Variants in CLEC2A observed in about 807,000 individuals in gnomAD.
CLEC2A encodes keratinocyte-associated C-type lectin.
Under a neutral mutation model 18.6 loss-of-function variants are expected in CLEC2A, and 19 were observed. The observed-to-expected ratio is 1.02, with a 90% CI of 0.71 to 1.50. The LOEUF (loss-of-function observed/expected upper bound fraction) is 1.50. Ranked by LOEUF, CLEC2A falls within the 40% of genes most tolerant of loss-of-function variation. The pLI is 0.00. For missense variants in CLEC2A, 190 were observed against 207.9 expected, an observed-to-expected ratio of 0.91 and a Z score of 0.53; for synonymous variants, 74 against 64.0, an observed-to-expected ratio of 1.16 and a Z score of -0.75.
downstream of CLEC2A, among the ~76,000 whole-genome samples, chr12:9,911,837 T>G (rs1314760045): frequency 2.0e-5 from 3 of 152,118 alleles, no homozygotes; most frequent in African/African-American, 7.2e-5. Context: ...TCTAACCTGA[T>G]AGGGTTAGAT....
At chr12:9,927,701 T>C (rs1863299150) in intron 1 of CLEC2A, among the ~76,000 whole-genome samples, 1 of 152,162 alleles carries the variant, frequency 6.6e-6, no homozygotes, top group Non-Finnish European at 1.5e-5. Context: ...TGCAATAAAG[T>C]AATTTCAAGA....
chr12:9,890,641 C>T, the CLEC2A span, among the ~76,000 whole-genome samples: 1 of 152,238 alleles, frequency 6.6e-6, no homozygotes, highest in Non-Finnish European at 1.5e-5. Flanking sequence ...CATGGACTTA[C>T]ATCTGATTAA....
intron 3 of CLEC2A, among the ~76,000 whole-genome samples, chr12:9,921,612 A>G (rs1863174231): frequency 6.6e-6 from 1 of 152,130 alleles, no homozygotes; most frequent in South Asian, 2.1e-4. Context: ...AACAAACAAA[A>G]AACAAAAACA....
intron 4 of CLEC2A, among the ~76,000 whole-genome samples, chr12:9,914,608 TG>T (rs34054796): frequency 2.0e-5 from 3 of 152,134 alleles, no homozygotes; most frequent in East Asian, 3.9e-4. Context: ...AAACAAGCAA[TG>T]GGGGAAGGAT....
intron 4 of CLEC2A, among the ~76,000 whole-genome samples, chr12:9,903,953 A>G (rs1862870948): frequency 6.6e-6 from 1 of 152,162 alleles, no homozygotes. Flanking sequence ...CCAGGGTGAA[A>G]GGGATGGCCA....
chr12:9,888,258 A>T, the CLEC2A span, among the ~76,000 whole-genome samples: 1 of 152,020 alleles, frequency 6.6e-6, no homozygotes, highest in South Asian at 2.1e-4. Context: ...TCGGAAGCCG[A>T]GGCGGGCGGA....
chr12:9,895,910 G>T, downstream of CLEC2A: 1 of 1,345,082 alleles, frequency 7.4e-7, no homozygotes, highest in South Asian at 1.7e-5. Flanking sequence ...TTTAGATAAA[G>T]TTTCTAACAG....
chr12:9,880,520 A>ATGTGTGTGTGTGTG, the CLEC2A span, among the ~76,000 whole-genome samples: 8 of 147,220 alleles, frequency 5.4e-5, no homozygotes, highest in Non-Finnish European at 7.5e-5. Context: ...AACCATTAGC[A>ATGTGTGTGTGTGTG]TGTGTGTGTG....
chr12:9,889,702 A>G, the CLEC2A span, among the ~76,000 whole-genome samples: 1 of 151,762 alleles, frequency 6.6e-6, no homozygotes, highest in Admixed American at 6.6e-5. Context: ...ACATATATAC[A>G]TATATGTAAA....
downstream of CLEC2A, among the ~76,000 whole-genome samples, chr12:9,908,589 G>A (rs1342340905): frequency 6.6e-6 from 1 of 152,144 alleles, no homozygotes; most frequent in Non-Finnish European, 1.5e-5. Context: ...AGGGCTCTTG[G>A]TGGGACTTGA....
In CLEC2A at chr12:9,916,684, T is replaced by C. The variant is rs766760257; in HGVS notation, c.410+16A>G. ...CACACCAGAATAAGAACATTGCTAATACATTGGAAACTCACCAACCATTGA... is the reference window on the plus strand; with the variant it reads ...CACACCAGAATAAGAACATTGCTAACACATTGGAAACTCACCAACCATTGA... On this transcript the variant is annotated intron_variant, in intron 4 of 4. Coordinates refer to ENST00000455827, the MANE Select transcript of CLEC2A (RefSeq NM_001130711.2). The C allele has an allele frequency of 1.3e-5, 18 of 1,438,020 alleles. No individual in the cohort carries two copies. Among genetic ancestry groups the C allele is most frequent in the Non-Finnish European group, 1.7e-5 (18 of 1,042,782 alleles). 89.1% of individuals were successfully genotyped at this position (1,438,020 alleles called of 1,614,324 possible).
chr12:9,894,030 CTCTTTCTTTT>C (rs1322719257), downstream of CLEC2A, among the ~76,000 whole-genome samples: 1 of 151,796 alleles, frequency 6.6e-6, no homozygotes, highest in East Asian at 1.9e-4. Flanking sequence ...TTCTTTTCTT[CTCTTTCTTTT>C]TCTTTCTTTC....
downstream of CLEC2A, among the ~76,000 whole-genome samples, chr12:9,910,205 T>C (rs1862963307): frequency 6.6e-6 from 1 of 152,208 alleles, no homozygotes; most frequent in Admixed American, 6.5e-5. Flanking sequence ...CTGCTTTCTT[T>C]TATGTTTGGT....
chr12:9,921,823 C>T (rs757757839), intron 3 of CLEC2A, among the ~76,000 whole-genome samples: 4 of 151,960 alleles, frequency 2.6e-5, no homozygotes, highest in Non-Finnish European at 5.9e-5. Flanking sequence ...GTGAAGACAT[C>T]GTAAAAGTCT....
chr12:9,885,328 T>C, the CLEC2A span, among the ~76,000 whole-genome samples: 1 of 62,052 alleles, frequency 1.6e-5, no homozygotes, highest in East Asian at 5.1e-4. Context: ...GAGATCATTA[T>C]TTAAGTATAT....
chr12:9,880,508 A>G, the CLEC2A span, among the ~76,000 whole-genome samples: 1 of 150,790 alleles, frequency 6.6e-6, no homozygotes, highest in African/African-American at 2.5e-5. Context: ...TAGCAGAAAC[A>G]GAACCATTAG....
At chr12:9,895,642 T>C (rs1862747886), downstream of CLEC2A, 1 of 1,468,802 alleles carries the variant, frequency 6.8e-7, no homozygotes, top group Non-Finnish European at 9.0e-7. Context: ...AAAGATACTA[T>C]TATCATTTTA....
chr12:9,905,200 G>A (rs530536987), intron 4 of CLEC2A, among the ~76,000 whole-genome samples: 1 of 152,286 alleles, frequency 6.6e-6, no homozygotes, highest in East Asian at 1.9e-4. Context: ...TTCTCTGATT[G>A]TGGAAGTGTC....
chr12:9,892,018 T>C, the CLEC2A span, among the ~76,000 whole-genome samples: 2 of 152,212 alleles, frequency 1.3e-5, no homozygotes, highest in African/African-American at 4.8e-5. Context: ...AAGATGAATA[T>C]GACAGTCCCA....
Sources: allele counts gnomAD v4.1 joint callset (sites outside exome capture counted in the v4.1 genomes callset), GRCh38; gene constraint gnomAD v4.1.1; transcripts MANE v1.5; gene names NCBI Gene and HGNC (gene_info 2026-07-23, HGNC 2026-07-21).